ITGA9: variants seen among roughly 807,000 people sequenced by gnomAD.
ITGA9 encodes the protein integrin subunit alpha 9.
ITGA9 carries 56 observed loss-of-function variants against 127.8 expected under a neutral mutation model. The ratio of observed to expected loss-of-function variants is 0.44; its 90% confidence interval spans 0.35 to 0.55. The LOEUF is 0.55. ITGA9 is among the 20% of genes least tolerant of loss of function. The pLI is 0.00. For missense variants in ITGA9, 1,196 were observed against 1,347.1 expected, an observed-to-expected ratio of 0.89 and a Z score of 1.76; for synonymous variants, 508 against 514.5, an observed-to-expected ratio of 0.99 and a Z score of 0.17.
chr3:37,481,454 C>T, intron 3 of ITGA9, 30 bp from the exon 4 acceptor site: 1 of 1,614,142 alleles, frequency 6.2e-7, no homozygotes, highest in East Asian at 2.2e-5. Context: ...GGCCAACTTT[C>T]CTGCTCTCAA....
rs2125543525 is a variant in ITGA9 at position 37,453,174 on chromosome 3, TAGGATATAGGG to T, written c.185+617_185+627del. Among the ~76,000 whole-genome samples, 2 of 146,988 alleles carry T rather than the reference TAGGATATAGGG, an allele frequency of 1.4e-5. 1 individual carries two copies. Among genetic ancestry groups the T allele is most frequent in the South Asian group, 4.4e-4 (2 of 4,582 alleles). ...GGTGGAAGTGGAGCGGAGAAGCTCCTAGGATATAGGGAAGAGGAAGGTGAGGGAGCACTTCC... is the reference window on the plus strand; with the variant it reads ...GGTGGAAGTGGAGCGGAGAAGCTCCTAAGAGGAAGGTGAGGGAGCACTTCC... On this transcript the variant is annotated intron_variant, in intron 1 of 27. Transcript: ENST00000264741.
rs79142153 is a variant in ITGA9 at position 37,464,540 on chromosome 3, T to G, written c.186-6467T>G. ...CTTAGGTACACTTTTATTCCTCCTG[T>G]TTTACAGAAGAGGAAAACTGAGGCT... On this transcript the variant is annotated intron_variant, in intron 1 of 27. Transcript: ENST00000264741. Among the ~76,000 whole-genome samples, 220 of 152,306 alleles carry G rather than the reference T, an allele frequency of 1.4e-3. 3 individuals carry two copies. In the East Asian group the frequency reaches 0.021, roughly 15 times the overall value.
chr3:37,585,172 G>A (rs76311708), intron 15 of ITGA9, among the ~76,000 whole-genome samples: 1 of 152,220 alleles, frequency 6.6e-6, no homozygotes, highest in Non-Finnish European at 1.5e-5. Context: ...CTTTTAAACT[G>A]ACCCCCCTTA....
At chr3:37,488,402 A>ATTAT (rs1698632978) in intron 4 of ITGA9, among the ~76,000 whole-genome samples, 1 of 152,070 alleles carries the variant, frequency 6.6e-6, no homozygotes, top group South Asian at 2.1e-4. Flanking sequence ...ATGTGCCTGT[A>ATTAT]TTATTACTTG....
chr3:37,471,181 T>A (rs757117637), intron 2 of ITGA9, 47 bp downstream of exon 2: 8 of 1,607,224 alleles, frequency 5.0e-6, no homozygotes, highest in Non-Finnish European at 6.0e-6. Context: ...TGTACCCTTA[T>A]ACCTTGCTCT....
intron 18 of ITGA9, among the ~76,000 whole-genome samples, chr3:37,703,994 G>T (rs1334675075): frequency 6.6e-6 from 1 of 152,090 alleles, no homozygotes; most frequent in Non-Finnish European, 1.5e-5. Context: ...TTGGGGCTGG[G>T]GTTCAGGCAC....
intron 18 of ITGA9, among the ~76,000 whole-genome samples, chr3:37,710,584 G>C (rs989096235): frequency 5.3e-5 from 8 of 152,216 alleles, no homozygotes; most frequent in Admixed American, 4.6e-4. Context: ...ATCGGAGATA[G>C]ATTCTTTATC....
chr3:37,648,522 G>A (rs2125645004), intron 16 of ITGA9, among the ~76,000 whole-genome samples: 1 of 152,256 alleles, frequency 6.6e-6, no homozygotes, highest in South Asian at 2.1e-4. Flanking sequence ...AGCTACTTGG[G>A]AGGCTGAGGT....
intron 15 of ITGA9, among the ~76,000 whole-genome samples, chr3:37,599,461 G>A (rs536047518): frequency 9.8e-5 from 15 of 152,348 alleles, no homozygotes; most frequent in South Asian, 2.1e-4. Context: ...AGTGGAAGTA[G>A]GCAAGGCCTT....
chr3:37,453,128 C>T (rs948983561), intron 1 of ITGA9, among the ~76,000 whole-genome samples: 8 of 151,396 alleles, frequency 5.3e-5, no homozygotes, highest in South Asian at 2.1e-4. Context: ...CCCCCCCCCC[C>T]CCAGCTCCTA....
intron 1 of ITGA9, among the ~76,000 whole-genome samples, chr3:37,468,636 A>G (rs937613313): frequency 6.6e-6 from 1 of 152,192 alleles, no homozygotes; most frequent in African/African-American, 2.4e-5. Flanking sequence ...TGAGATCCCA[A>G]GATGAAGGTG....
intron 15 of ITGA9, among the ~76,000 whole-genome samples, chr3:37,612,928 T>G (rs2125626643): frequency 6.6e-6 from 1 of 152,076 alleles, no homozygotes; most frequent in Admixed American, 6.5e-5. Flanking sequence ...ATCTGAGCCT[T>G]AAGACTTATT....
At position 37,631,307 on chromosome 3, in the gene ITGA9, A is replaced by G. The variant is rs551717839; in HGVS notation, c.1839+1971A>G. Among the ~76,000 whole-genome samples, 6 of 152,326 alleles carry G rather than the reference A, an allele frequency of 3.9e-5. No homozygotes were observed. In the South Asian group the frequency reaches 1.2e-3, roughly 32 times the overall value. On this transcript the variant is annotated intron_variant, in intron 16 of 27. Transcript: ENST00000264741. The stretch of plus-strand genomic sequence containing the variant: ...CAGTGAACCTATCTCTCATTCCTGC[A>G]AGTCTGTCAGTGGCACAGATGTGGA...
At chr3:37,508,360 T>C (rs1372724866) in intron 7 of ITGA9, among the ~76,000 whole-genome samples, 199 bp from the exon 8 acceptor site, 1 of 152,214 alleles carries the variant, frequency 6.6e-6, no homozygotes, top group Non-Finnish European at 1.5e-5. Context: ...AGGTGATGTC[T>C]GCCTCAGGAT....
intron 11 of ITGA9, among the ~76,000 whole-genome samples, chr3:37,522,246 G>C (rs1699051512): frequency 6.6e-6 from 1 of 152,148 alleles, no homozygotes; most frequent in Non-Finnish European, 1.5e-5. Flanking sequence ...GGACCATGCA[G>C]ATAAAGGCAG....
intron 18 of ITGA9, among the ~76,000 whole-genome samples, chr3:37,731,815 A>C (rs909141833): frequency 2.6e-5 from 4 of 152,204 alleles, no homozygotes; most frequent in African/African-American, 9.7e-5. Flanking sequence ...ATAATTGGAT[A>C]ATTTAAGTAG....
At chr3:37,732,625 C>G in intron 18 of ITGA9, 87 bp from the exon 19 acceptor site, 1 of 979,558 alleles carries the variant, frequency 1.0e-6, no homozygotes, top group Non-Finnish European at 1.6e-6. Flanking sequence ...GAGCACTGCT[C>G]TGAAGGACTC....
chr3:37,467,450 AG>A, intron 1 of ITGA9, among the ~76,000 whole-genome samples: 1 of 152,150 alleles, frequency 6.6e-6, no homozygotes, highest in African/African-American at 2.4e-5. Flanking sequence ...GGCTGGAGGA[AG>A]CAGTGCCTGG....
chr3:37,634,994 C>T (rs570300121), intron 16 of ITGA9, among the ~76,000 whole-genome samples: 3 of 152,068 alleles, frequency 2.0e-5, no homozygotes, highest in African/African-American at 7.2e-5. Flanking sequence ...TCCTGAATGA[C>T]CATTGGGTTA....
Sources: allele counts gnomAD v4.1 joint callset (sites outside exome capture counted in the v4.1 genomes callset), GRCh38; gene constraint gnomAD v4.1.1; transcripts MANE v1.5; gene names NCBI Gene and HGNC (gene_info 2026-07-23, HGNC 2026-07-21).